Variants in STRA6 observed in about 807,000 individuals in gnomAD.
STRA6 encodes receptor for retinol uptake STRA6.
In STRA6, 48 loss-of-function variants were observed where a neutral mutation model predicts 83.6. That is an observed-to-expected ratio of 0.57 (90% CI 0.46 to 0.73). The LOEUF (loss-of-function observed/expected upper bound fraction) is 0.73, where lower values mean the gene tolerates loss of function less well. Ranked by LOEUF, STRA6 falls within the 30% of genes least tolerant of loss-of-function variation. STRA6 has a pLI of 0.00. For missense variants in STRA6, 760 were observed against 838.8 expected, an observed-to-expected ratio of 0.91 and a Z score of 1.16; for synonymous variants, 353 against 362.3, an observed-to-expected ratio of 0.97 and a Z score of 0.29.
chr15:74,197,640 C>A, intron 3 of STRA6, 112 bp downstream of exon 3: 1 of 1,420,674 alleles, frequency 7.0e-7, no homozygotes, highest in Non-Finnish European at 9.7e-7. Flanking sequence ...GATAGCTCCC[C>A]CCACCCAGGA....
upstream of STRA6, among the ~76,000 whole-genome samples, chr15:74,209,979 A>G (rs1471349362): frequency 6.6e-6 from 1 of 152,190 alleles, no homozygotes; most frequent in Non-Finnish European, 1.5e-5. Flanking sequence ...TTGGCTTCCA[A>G]TGATAGTAAA....
rs397514639 is a variant in STRA6, at chr15:74,180,120, C to A, written c.1964G>T (p.Arg655Leu). ...ATTGGCACCCAACAGGGCCGTCTTG[C>A]GGAAGACCTGCAGGGTTGGGTTGTG... ...LLHNPTLQVF[R>L]KTALLGANGA... Residue 655 changes from arginine (R) to leucine (L), a missense_variant, in exon 19 of 19, where the codon CGC (arginine) becomes CTC (leucine). Transcript: ENST00000395105. 6.2e-7 allele frequency: 1 copy of A among 1,613,676 alleles called. No homozygotes were observed. Among genetic ancestry groups the A allele is most frequent in the Admixed American group, 1.7e-5 (1 of 60,022 alleles).
chr15:74,184,135 G>T, intron 13 of STRA6, 146 bp from the exon 14 acceptor site: 1 of 1,180,918 alleles, frequency 8.5e-7, no homozygotes. Context: ...GGAGCCAGGA[G>T]GAGGCCACTA....
chr15:74,194,169 AG>A (rs2073696071), intron 7 of STRA6, among the ~76,000 whole-genome samples: 1 of 151,892 alleles, frequency 6.6e-6, no homozygotes, highest in Non-Finnish European at 1.5e-5. Context: ...AGAGGAGCCA[AG>A]AGGAGGAGAT....
chr15:74,207,928 G>T (rs2074298610), intron 1 of STRA6: 1 of 1,467,242 alleles, frequency 6.8e-7, no homozygotes, highest in African/African-American at 1.4e-5. Flanking sequence ...GAAGAGTATG[G>T]GTGACTCTCC....
chr15:74,183,683 A>T (rs896114210), intron 14 of STRA6, 173 bp downstream of exon 14: 3 of 1,553,062 alleles, frequency 1.9e-6, no homozygotes, highest in Non-Finnish European at 1.7e-6. Flanking sequence ...ATCCTGAATA[A>T]GCTTCTTAAG....
intron 12 of STRA6, among the ~76,000 whole-genome samples, chr15:74,186,749 C>T (rs150903759): frequency 2.6e-5 from 4 of 151,944 alleles, no homozygotes; most frequent in African/African-American, 4.8e-5. Flanking sequence ...CCAGCCTGGG[C>T]GACAGAGCAC....
At chr15:74,209,321 G>A (rs901003424), upstream of STRA6, 1 of 1,493,196 alleles carries the variant, frequency 6.7e-7, no homozygotes, top group African/African-American at 1.4e-5. Flanking sequence ...AGTTTCCCCA[G>A]ATGTGGCCTT....
chr15:74,187,759 AT>A (rs2073328546), intron 12 of STRA6, among the ~76,000 whole-genome samples: 1 of 152,196 alleles, frequency 6.6e-6, no homozygotes, highest in East Asian at 1.9e-4. Flanking sequence ...GCCCAAGAAG[AT>A]TCAAAGTGGG....
upstream of STRA6, chr15:74,209,225 A>T: frequency 9.2e-6 from 10 of 1,085,842 alleles, 1 homozygote; most frequent in South Asian, 1.5e-4. Context: ...GCCTCTCCAC[A>T]CCCCCAAACC....
At chr15:74,199,508 G>A (rs2073964452) in intron 2 of STRA6, among the ~76,000 whole-genome samples, 1 of 152,168 alleles carries the variant, frequency 6.6e-6, no homozygotes, top group Non-Finnish European at 1.5e-5. Context: ...CGCATGACTA[G>A]GTCCCGCTCC....
At chr15:74,209,526 G>T (rs1283123473), upstream of STRA6, 1 of 1,273,188 alleles carries the variant, frequency 7.9e-7, no homozygotes, top group Non-Finnish European at 1.1e-6. Context: ...TTCAGGGCTG[G>T]AATTCCAGGT....
Position 74,202,211 on chromosome 15 carries a change from G to A in STRA6, c.57C>T (p.Ser19=). The A allele has an allele frequency of 6.5e-7, 1 of 1,526,768 alleles. No homozygotes were observed. Among genetic ancestry groups the A allele is most frequent in the East Asian group, 2.3e-5 (1 of 44,176 alleles). The allele number at this position is 1,526,768 out of a possible 1,614,324, so 94.6% of individuals were successfully genotyped here. The change falls in exon 2 of 19, where the codon TCC becomes TCT. Residue 19 remains serine, a synonymous_variant. Transcript: ENST00000395105. ...GCTCATCGATGTACCAGCTGCCATA[G>A]GAGTAGTCCTCTGTGGCCCCGGGGG... ...QTSPGATEDY[S]YGSWYIDEPQ...
chr15:74,182,497 G>A (rs1220891906), intron 14 of STRA6, 37 bp from the exon 15 acceptor site: 1 of 1,557,984 alleles, frequency 6.4e-7, no homozygotes, highest in Admixed American at 1.9e-5. Context: ...ACAGAAAACA[G>A]GTTCCATGAA....
At chr15:74,186,468 C>G (rs756026247) in intron 12 of STRA6, among the ~76,000 whole-genome samples, 2 of 152,196 alleles carry the variant, frequency 1.3e-5, no homozygotes, top group Non-Finnish European at 1.5e-5. Flanking sequence ...ATTAGCCAGG[C>G]CTGGTGGCGG....
intron 12 of STRA6, among the ~76,000 whole-genome samples, chr15:74,187,664 G>A (rs186213253): frequency 9.2e-5 from 14 of 152,208 alleles, no homozygotes; most frequent in Non-Finnish European, 1.6e-4. Flanking sequence ...CCCAGGTTGC[G>A]GGATGGCTTT....
upstream of STRA6, among the ~76,000 whole-genome samples, chr15:74,206,609 C>T (rs2142107827): frequency 6.6e-6 from 1 of 152,274 alleles, no homozygotes; most frequent in South Asian, 2.1e-4. Context: ...CAAAAGTGCT[C>T]AAAAGACAGA....
At chr15:74,191,663 C>T (rs1371366169) in intron 8 of STRA6, 172 bp from the exon 9 acceptor site, 1 of 661,678 alleles carries the variant, frequency 1.5e-6, no homozygotes, top group Non-Finnish European at 2.7e-6. Flanking sequence ...GGTCCGTGCC[C>T]TCCAAAGCTT....
intron 18 of STRA6, 116 bp downstream of exon 18, chr15:74,180,666 A>T: frequency 6.9e-7 from 1 of 1,448,002 alleles, no homozygotes; most frequent in South Asian, 1.4e-5. Context: ...GCAGCCAAGG[A>T]AGAGAGGAAG....
Sources: allele counts gnomAD v4.1 joint callset (sites outside exome capture counted in the v4.1 genomes callset), GRCh38; gene constraint gnomAD v4.1.1; transcripts MANE v1.5; gene names NCBI Gene and HGNC (gene_info 2026-07-23, HGNC 2026-07-21).